NTM: variants seen among roughly 807,000 people sequenced by gnomAD.
NTM encodes neurotrimin, also known as IgLON family member 2.
In NTM, 13 loss-of-function variants were observed where a neutral mutation model predicts 42.1. The observed-to-expected ratio is 0.31, with a 90% CI of 0.20 to 0.49. The LOEUF (loss-of-function observed/expected upper bound fraction) is 0.49. Among genes scored for constraint, NTM ranks in the 20% least tolerant of loss-of-function variants. The probability of loss-of-function intolerance (pLI) is 0.99; values close to 1 mark genes in which losing one functional copy is unlikely to be tolerated. For missense variants in NTM, 373 were observed against 452.8 expected (o/e 0.82, Z 1.60); for synonymous variants, 187 against 179.2 (o/e 1.04, Z -0.35).
chr11:132,199,886 G>C (rs1437637966), intron 3 of NTM, among the ~76,000 whole-genome samples: 1 of 151,640 alleles, frequency 6.6e-6, no homozygotes, highest in Non-Finnish European at 1.5e-5. Context: ...GGGAGATAAA[G>C]GAATCTAATA....
chr11:131,652,946 C>T (rs907955035), intron 1 of NTM, among the ~76,000 whole-genome samples: 1 of 152,186 alleles, frequency 6.6e-6, no homozygotes, highest in Admixed American at 6.5e-5. Flanking sequence ...TACCGCCCTG[C>T]CAGATTGTTG....
chr11:132,323,046 T>G (rs1233693696), intron 7 of NTM, among the ~76,000 whole-genome samples: 4 of 130,928 alleles, frequency 3.1e-5, no homozygotes, highest in Admixed American at 7.6e-5. Flanking sequence ...AGAGGGAAAT[T>G]TATAGCACTA....
Position 131,964,572 on chromosome 11 carries a change from G to GA in NTM, c.167+52931dup, listed in dbSNP as rs60045485. ...ATACACATGGGATTATGGGACACAAGAAAAAAATAAATATTCAAAGCTTCA... is the reference window on the plus strand; with the variant it reads ...ATACACATGGGATTATGGGACACAAGAAAAAAAATAAATATTCAAAGCTTCA... On this transcript the variant is annotated intron_variant, in intron 2 of 8. Transcript: ENST00000683400. Among the ~76,000 whole-genome samples, 884 of 152,132 alleles carry GA rather than the reference G, an allele frequency of 5.8e-3. 8 individuals carry two copies. Among genetic ancestry groups the GA allele is most frequent in the African/African-American group, 0.021 (854 of 41,490 alleles).
chr11:132,295,478 C>T lies in NTM; in HGVS notation c.527-12211C>T, dbSNP rs143415271. ...AACATATATAAATAAATAACAATACCGTGTGATTAGCAATGCTAGAGAAAC... is the reference window on the plus strand; with the variant it reads ...AACATATATAAATAAATAACAATACTGTGTGATTAGCAATGCTAGAGAAAC... On this transcript the variant is annotated intron_variant, in intron 4 of 8. Transcript: ENST00000683400. 1.8e-3 allele frequency among the ~76,000 whole-genome samples: 270 copies of T among 152,124 alleles called. 1 individual carries two copies. The highest frequency in any genetic ancestry group is 6.2e-3 in the African/African-American group (259 of 41,496).
intron 2 of NTM, chr11:131,981,456 C>T (rs552611892): frequency 4.6e-5 from 7 of 152,246 alleles, no homozygotes; most frequent in East Asian, 3.9e-4. Flanking sequence ...TCTGCAGGCA[C>T]GTCGTCCTCA....
chr11:131,528,895 G>A (rs964882118), intron 1 of NTM, among the ~76,000 whole-genome samples: 18 of 152,116 alleles, frequency 1.2e-4, no homozygotes, highest in African/African-American at 4.3e-4. Flanking sequence ...TCTTTTGTTG[G>A]TTCTAACTGT....
At chr11:131,633,674 C>CCCCTCT (rs1565354825) in intron 1 of NTM, among the ~76,000 whole-genome samples, 1 of 51,766 alleles carries the variant, frequency 1.9e-5, no homozygotes, top group African/African-American at 6.3e-5. Context: ...TCCCTCTCTC[C>CCCCTCT]CTCCCTCTCT....
intron 1 of NTM, among the ~76,000 whole-genome samples, chr11:131,501,172 A>G (rs1490548519): frequency 6.6e-6 from 1 of 152,126 alleles, no homozygotes; most frequent in Non-Finnish European, 1.5e-5. Flanking sequence ...AGGGGTTTGC[A>G]TTCTGGGGAG....
At position 131,967,279 on chromosome 11, in the gene NTM, G is replaced by C. The variant is rs118106897; in HGVS notation, c.167+55631G>C. On this transcript the variant is annotated intron_variant, in intron 2 of 8. Transcript: ENST00000683400. ...AGAGATCATCAGATGGAGAATAGAAGAGGTCCAGGCATCGTGGGTGGTCTC... is the reference window on the plus strand; with the variant it reads ...AGAGATCATCAGATGGAGAATAGAACAGGTCCAGGCATCGTGGGTGGTCTC... 2.4e-4 allele frequency among the ~76,000 whole-genome samples: 36 copies of C among 152,294 alleles called. No individual in the cohort carries two copies. The East Asian group carries it at 6.9e-3, about 29-fold the overall frequency.
intron 2 of NTM, among the ~76,000 whole-genome samples, chr11:132,008,507 C>T (rs975055229): frequency 5.9e-5 from 9 of 151,586 alleles, no homozygotes; most frequent in Non-Finnish European, 1.2e-4. Flanking sequence ...GAGTCTATGA[C>T]AGGTTTTTAT....
intron 1 of NTM, among the ~76,000 whole-genome samples, chr11:131,627,987 C>T (rs566175739): frequency 6.6e-6 from 1 of 152,284 alleles, no homozygotes; most frequent in East Asian, 1.9e-4. Context: ...ATTTCTCACT[C>T]CCATCTCTGA....
intron 2 of NTM, among the ~76,000 whole-genome samples, chr11:132,007,928 G>A (rs1485462628): frequency 1.3e-5 from 2 of 152,144 alleles, no homozygotes; most frequent in Non-Finnish European, 2.9e-5. Context: ...GAATAACCCT[G>A]GATGGAGTTA....
chr11:131,427,921 G>A (rs772568837), intron 1 of NTM, among the ~76,000 whole-genome samples: 1 of 152,060 alleles, frequency 6.6e-6, no homozygotes. Flanking sequence ...AGCTAATATC[G>A]ATATCTGTTG....
At chr11:132,007,462 T>C (rs964331779) in intron 2 of NTM, among the ~76,000 whole-genome samples, 1 of 152,108 alleles carries the variant, frequency 6.6e-6, no homozygotes, top group Non-Finnish European at 1.5e-5. Flanking sequence ...AACTTGTGAT[T>C]TGGGGCCTGT....
rs570031071 is a variant in NTM at position 131,859,444 on chromosome 11, T to C, written c.83-52120T>C. Reference sequence around the variant, plus strand: ...AGGGACAATTAAGAGTATGACTGCCTCTTGTCCCTTTCGAGTAGTCCTTTG... The same window carrying C: ...AGGGACAATTAAGAGTATGACTGCCCCTTGTCCCTTTCGAGTAGTCCTTTG... On this transcript the variant is annotated intron_variant, in intron 1 of 8. Coordinates refer to ENST00000683400, the MANE Select transcript of NTM (RefSeq NM_001352005.2). Among the ~76,000 whole-genome samples the C allele has an allele frequency of 5.1e-4, 78 of 152,316 alleles. 1 individual carries two copies. Among genetic ancestry groups the C allele is most frequent in the Non-Finnish European group, 6.6e-4 (45 of 68,026 alleles).
intron 3 of NTM, among the ~76,000 whole-genome samples, chr11:132,178,147 G>T (rs889037066): frequency 6.6e-6 from 1 of 152,184 alleles, no homozygotes; most frequent in African/African-American, 2.4e-5. Context: ...AGTCCAACCT[G>T]TCTCCTTACA....
intron 4 of NTM, among the ~76,000 whole-genome samples, chr11:132,276,019 C>T (rs556259694): frequency 7.9e-5 from 12 of 151,824 alleles, no homozygotes; most frequent in South Asian, 4.2e-4. Flanking sequence ...TCTCTGATAA[C>T]GACTGTTCTA....
At chr11:132,123,103 C>G (rs1378525241) in intron 2 of NTM, among the ~76,000 whole-genome samples, 6 of 152,208 alleles carry the variant, frequency 3.9e-5, no homozygotes, top group Admixed American at 2.0e-4. Context: ...CTCACTCCCC[C>G]TTTGCTTCTC....
intron 2 of NTM, among the ~76,000 whole-genome samples, chr11:132,082,504 G>A (rs2059210181): frequency 1.3e-5 from 2 of 152,132 alleles, no homozygotes; most frequent in South Asian, 4.1e-4. Flanking sequence ...TCCTTACTGG[G>A]CATGTGTTAA....
Sources: gnomAD v4.1 joint callset for allele counts (sites outside exome capture counted in the v4.1 genomes callset) on GRCh38, gnomAD v4.1.1 for gene constraint, MANE v1.5 for transcripts, NCBI Gene and HGNC (gene_info 2026-07-23, HGNC 2026-07-21) for gene names.